RXFP1: variants seen among roughly 807,000 people sequenced by gnomAD.
RXFP1 encodes the protein relaxin family peptide receptor 1, also known as relaxin receptor 1.
RXFP1 carries 73 observed loss-of-function variants against 89.8 expected under a neutral mutation model. That is an observed-to-expected ratio of 0.81 (90% CI 0.67 to 0.99). The LOEUF (loss-of-function observed/expected upper bound fraction) is 0.99. RXFP1 is among the 50% of genes least tolerant of loss of function. RXFP1 has a pLI of 0.00. For missense variants in RXFP1, 793 were observed against 895.5 expected, an observed-to-expected ratio of 0.89 and a Z score of 1.46; for synonymous variants, 277 against 305.5, an observed-to-expected ratio of 0.91 and a Z score of 0.97.
chr4:158,564,484 G>A (rs1753139189), intron 1 of RXFP1, among the ~76,000 whole-genome samples: 1 of 152,176 alleles, frequency 6.6e-6, no homozygotes, highest in Non-Finnish European at 1.5e-5. Flanking sequence ...CTCAGTGCTG[G>A]AAAAGCTGAA....
chr4:158,569,186 T>C (rs1013592124), intron 1 of RXFP1, among the ~76,000 whole-genome samples: 1 of 152,220 alleles, frequency 6.6e-6, no homozygotes. Context: ...GATAAATATA[T>C]ATTAGTAAGT....
chr4:158,529,716 T>C (rs1036738364), intron 1 of RXFP1, among the ~76,000 whole-genome samples: 1 of 152,194 alleles, frequency 6.6e-6, no homozygotes, highest in Non-Finnish European at 1.5e-5. Flanking sequence ...CAGTTCCTCT[T>C]TCTCCCTTAG....
intron 1 of RXFP1, among the ~76,000 whole-genome samples, chr4:158,526,575 A>C (rs1301360146): frequency 3.9e-5 from 6 of 152,338 alleles, no homozygotes; most frequent in East Asian, 1.9e-4. Context: ...TCAAATGGAA[A>C]AAGGACAGTG....
intron 8 of RXFP1, among the ~76,000 whole-genome samples, chr4:158,616,502 A>T (rs865983714): frequency 2.6e-5 from 4 of 151,462 alleles, no homozygotes; most frequent in African/African-American, 9.7e-5. Flanking sequence ...AAGAAAAAAA[A>T]TGCCTTTAAA....
intron 1 of RXFP1, among the ~76,000 whole-genome samples, chr4:158,568,601 T>C (rs1005195032): frequency 9.9e-5 from 15 of 152,234 alleles, no homozygotes; most frequent in African/African-American, 3.1e-4. Context: ...CTGCCAGTGA[T>C]GGCCTTTTTT....
At chr4:158,556,050 T>C (rs1271284971) in intron 1 of RXFP1, among the ~76,000 whole-genome samples, 1 of 151,910 alleles carries the variant, frequency 6.6e-6, no homozygotes, top group Non-Finnish European at 1.5e-5. Flanking sequence ...ACCTCTTAAA[T>C]ACAGGCAACA....
intron 1 of RXFP1, among the ~76,000 whole-genome samples, chr4:158,530,420 T>C (rs1458142625): frequency 6.6e-6 from 1 of 152,234 alleles, no homozygotes; most frequent in African/African-American, 2.4e-5. Context: ...TTGCTCACCC[T>C]AGCCTTTTGA....
chr4:158,616,238 A>G (rs1429981419), intron 8 of RXFP1, among the ~76,000 whole-genome samples: 1 of 152,136 alleles, frequency 6.6e-6, no homozygotes, highest in Admixed American at 6.5e-5. Flanking sequence ...CCTGGCCAAC[A>G]TGGTGAAACC....
intron 1 of RXFP1, among the ~76,000 whole-genome samples, chr4:158,557,010 C>A (rs372968674): frequency 6.6e-6 from 1 of 152,092 alleles, no homozygotes; most frequent in East Asian, 1.9e-4. Flanking sequence ...TGTTCTATTA[C>A]ACAGTAGAGT....
chr4:158,599,503 T>C (rs547129092), intron 4 of RXFP1, 72 bp downstream of exon 4: 151 of 1,139,356 alleles, frequency 1.3e-4, no homozygotes, highest in Non-Finnish European at 1.8e-4. Flanking sequence ...ATTAAGACCA[T>C]GTGATTATTC....
intron 1 of RXFP1, among the ~76,000 whole-genome samples, chr4:158,564,037 A>C (rs1173510990): frequency 2.6e-5 from 4 of 151,480 alleles, no homozygotes; most frequent in Non-Finnish European, 5.9e-5. Context: ...TTTAAAAAAA[A>C]CTTAATGTAA....
At chr4:158,539,464 A>G (rs1413802765) in intron 1 of RXFP1, among the ~76,000 whole-genome samples, 1 of 152,088 alleles carries the variant, frequency 6.6e-6, no homozygotes, top group Non-Finnish European at 1.5e-5. Context: ...CATGTACCCT[A>G]AAACTTAAAG....
In RXFP1 at chr4:158,577,012, TTTCTTCTTC is replaced by T. The variant is rs3085268; in HGVS notation, c.187+4198_187+4206del. Among the ~76,000 whole-genome samples the T allele has an allele frequency of 2.8e-4, 42 of 150,348 alleles. No homozygotes were observed. In the South Asian group the frequency reaches 4.0e-3, roughly 14 times the overall value. ...TCATTTATGCTCCCAAGGCTGTTCT[TTTCTTCTTC>T]TTCTTCTTCTTCTTCTTCTTTCTTC... is the stretch of plus-strand genomic sequence containing the variant. On this transcript the variant is annotated intron_variant, in intron 2 of 17. Coordinates refer to ENST00000307765, the MANE Select transcript of RXFP1 (RefSeq NM_021634.4).
intron 8 of RXFP1, among the ~76,000 whole-genome samples, chr4:158,615,020 A>G (rs1199893642): frequency 6.6e-6 from 1 of 151,986 alleles, no homozygotes; most frequent in East Asian, 1.9e-4. Context: ...TTGTTGTTCC[A>G]TTGTAGAGCA....
At chr4:158,567,050 C>T (rs577375672) in intron 1 of RXFP1, among the ~76,000 whole-genome samples, 3 of 152,290 alleles carry the variant, frequency 2.0e-5, no homozygotes, top group South Asian at 2.1e-4. Flanking sequence ...CCGGCCGGCC[C>T]GCCAGTCAGG....
Position 158,594,432 on chromosome 4 carries a change from G to A in RXFP1, c.286+933G>A, listed in dbSNP as rs188257779. On this transcript the variant is annotated intron_variant, in intron 3 of 17. Transcript: ENST00000307765. ...TGGTGGTAGTGGTGCTGGTTGTGGT[G>A]GTGTATGAATTATCTCATCAGATCC... 4.5e-4 allele frequency among the ~76,000 whole-genome samples: 68 copies of A among 152,090 alleles called. 1 individual carries two copies. The East Asian group carries it at 7.0e-3, about 16-fold the overall frequency.
At chr4:158,644,319 T>G (rs1270125548) in intron 14 of RXFP1, among the ~76,000 whole-genome samples, 1 of 152,208 alleles carries the variant, frequency 6.6e-6, no homozygotes, top group African/African-American at 2.4e-5. Context: ...GTGCTGGGAT[T>G]ACAGGTGTGA....
At chr4:158,525,220 G>A (rs1439186036) in intron 1 of RXFP1, among the ~76,000 whole-genome samples, 5 of 25,704 alleles carry the variant, frequency 1.9e-4, no homozygotes, top group South Asian at 0.01. Flanking sequence ...ATACTTTGGC[G>A]GGGGGGGGTT....
chr4:158,623,641 A>G lies in RXFP1; in HGVS notation c.756-3179A>G, dbSNP rs1580153706. Among the ~76,000 whole-genome samples, 4 of 152,282 alleles carry G rather than the reference A, an allele frequency of 2.6e-5. No homozygotes were observed. The East Asian group carries it at 7.7e-4, about 29-fold the overall frequency. On this transcript the variant is annotated intron_variant, in intron 9 of 17. Transcript: ENST00000307765. Reference sequence around the variant, plus strand: ...TATCAAACTTCAGTGCCCCTTCTCAATAACAGAACTGCTTTCTTTGGGACA... The same window carrying G: ...TATCAAACTTCAGTGCCCCTTCTCAGTAACAGAACTGCTTTCTTTGGGACA...
Sources: allele counts gnomAD v4.1 joint callset (sites outside exome capture counted in the v4.1 genomes callset), GRCh38; gene constraint gnomAD v4.1.1; transcripts MANE v1.5; gene names NCBI Gene and HGNC (gene_info 2026-07-23, HGNC 2026-07-21).